Variants in ME3 observed in about 807,000 individuals in gnomAD.
ME3 encodes NADP-dependent malic enzyme, mitochondrial.
ME3 carries 48 observed loss-of-function variants against 68.9 expected under a neutral mutation model. The ratio of observed to expected loss-of-function variants is 0.70; its 90% confidence interval spans 0.55 to 0.89. ME3 has a LOEUF of 0.89. Ranked by LOEUF, ME3 falls within the 40% of genes least tolerant of loss-of-function variation. The pLI is 0.00. For missense variants in ME3, 675 were observed against 797.4 expected, an observed-to-expected ratio of 0.85 and a Z score of 1.85; for synonymous variants, 320 against 318.8, an observed-to-expected ratio of 1.00 and a Z score of -0.04.
At chr11:86,463,116 A>C (rs1326261955) in intron 8 of ME3, among the ~76,000 whole-genome samples, 1 of 152,110 alleles carries the variant, frequency 6.6e-6, no homozygotes, top group Non-Finnish European at 1.5e-5. Flanking sequence ...TTATCGCAGC[A>C]GTTTGGGGGC....
Position 86,642,987 on chromosome 11 carries a change from T to A in ME3, c.183+28775A>T, listed in dbSNP as rs1316160449. Among the ~76,000 whole-genome samples the A allele has an allele frequency of 2.1e-5, 3 of 143,286 alleles. No individual in the cohort carries two copies. The East Asian group carries it at 8.4e-4, about 40-fold the overall frequency. The allele number at this position is 143,286 out of a possible 152,430, so 94.0% of individuals were successfully genotyped here. On this transcript the variant is annotated intron_variant, in intron 2 of 14. Transcript: ENST00000543262. Reference sequence around the variant, plus strand: ...ATTTATGATGGATAAATATAAGGTTTCTATTAGTTTTTTTTGACATGTTGA... The same window carrying A: ...ATTTATGATGGATAAATATAAGGTTACTATTAGTTTTTTTTGACATGTTGA...
intron 2 of ME3, among the ~76,000 whole-genome samples, chr11:86,570,673 G>C (rs1377613852): frequency 2.0e-5 from 3 of 152,212 alleles, no homozygotes; most frequent in East Asian, 3.8e-4. Flanking sequence ...AGGATATGCT[G>C]CTCATTACCG....
intron 4 of ME3, among the ~76,000 whole-genome samples, chr11:86,527,499 C>G (rs1190025590): frequency 6.6e-6 from 1 of 152,118 alleles, no homozygotes; most frequent in Non-Finnish European, 1.5e-5. Context: ...CATTCAAATT[C>G]AGAGAATGCC....
intron 2 of ME3, among the ~76,000 whole-genome samples, chr11:86,595,997 CCAA>C (rs1340406519): frequency 6.6e-6 from 1 of 152,210 alleles, no homozygotes; most frequent in Non-Finnish European, 1.5e-5. Context: ...TTTAGAAATT[CCAA>C]CAAGTGTTCC....
At chr11:86,494,702 C>T (rs905656825) in intron 6 of ME3, among the ~76,000 whole-genome samples, 2 of 148,064 alleles carry the variant, frequency 1.4e-5, no homozygotes, top group South Asian at 2.1e-4. Flanking sequence ...AGATGTGACA[C>T]GCGACTCATT....
chr11:86,630,785 G>C (rs1295394127), intron 2 of ME3, among the ~76,000 whole-genome samples: 1 of 152,228 alleles, frequency 6.6e-6, no homozygotes, highest in African/African-American at 2.4e-5. Context: ...AGAAACCCGA[G>C]TCAGGACTTT....
intron 2 of ME3, among the ~76,000 whole-genome samples, chr11:86,629,869 T>C (rs1357401753): frequency 2.0e-5 from 3 of 152,150 alleles, no homozygotes; most frequent in Non-Finnish European, 2.9e-5. Flanking sequence ...GTGATTGAAA[T>C]TGGATGTAAA....
chr11:86,534,079 G>A (rs201190272), intron 4 of ME3, among the ~76,000 whole-genome samples: 399 of 12,864 alleles, frequency 0.031, 1 homozygote, highest in African/African-American at 0.097. Context: ...GTGTGTGTGT[G>A]TGTATATATA....
chr11:86,648,249 A>C (rs924095573), intron 2 of ME3, among the ~76,000 whole-genome samples: 14 of 152,236 alleles, frequency 9.2e-5, no homozygotes, highest in African/African-American at 3.4e-4. Flanking sequence ...TCTGGGACAC[A>C]GCTAAAGCAG....
intron 2 of ME3, among the ~76,000 whole-genome samples, chr11:86,573,198 A>G (rs1957904870): frequency 6.6e-6 from 1 of 152,046 alleles, no homozygotes; most frequent in African/African-American, 2.4e-5. Context: ...CAGATGAGTA[A>G]ATTGCAAAAA....
At chr11:86,612,992 T>C (rs1037826893) in intron 2 of ME3, among the ~76,000 whole-genome samples, 6 of 152,228 alleles carry the variant, frequency 3.9e-5, no homozygotes, top group African/African-American at 1.4e-4. Flanking sequence ...CCCATGCTTA[T>C]GTCCTGAATG....
At chr11:86,604,503 A>G (rs1222008699) in intron 2 of ME3, among the ~76,000 whole-genome samples, 3 of 152,340 alleles carry the variant, frequency 2.0e-5, no homozygotes, top group South Asian at 4.1e-4. Context: ...CCTACATGTT[A>G]TAACTGCTTG....
chr11:86,655,055 T>A (rs1031448116), intron 2 of ME3, among the ~76,000 whole-genome samples: 12 of 152,202 alleles, frequency 7.9e-5, no homozygotes, highest in African/African-American at 2.9e-4. Context: ...GTGAAAGACC[T>A]CTTCAAGGAG....
intron 2 of ME3, among the ~76,000 whole-genome samples, chr11:86,596,374 C>G (rs1308306083): frequency 1.3e-5 from 2 of 152,324 alleles, no homozygotes; most frequent in East Asian, 3.9e-4. Flanking sequence ...AATTTTAATA[C>G]TTTCATCATG....
intron 4 of ME3, among the ~76,000 whole-genome samples, chr11:86,549,468 A>G (rs1366273077): frequency 6.6e-6 from 1 of 152,140 alleles, no homozygotes; most frequent in African/African-American, 2.4e-5. Context: ...TTTTTGCCTT[A>G]ATTTTTCTTC....
intron 2 of ME3, among the ~76,000 whole-genome samples, chr11:86,634,187 G>A (rs913700809): frequency 2.0e-5 from 3 of 152,136 alleles, no homozygotes; most frequent in Admixed American, 1.3e-4. Flanking sequence ...GGGGTGTTCA[G>A]GGATGCCTCC....
At chr11:86,565,559 GTTC>G (rs1413055093) in intron 2 of ME3, among the ~76,000 whole-genome samples, 2 of 152,190 alleles carry the variant, frequency 1.3e-5, no homozygotes, top group Non-Finnish European at 2.9e-5. Flanking sequence ...AAGGAATGAA[GTTC>G]TGCTCTGTGC....
chr11:86,441,317 T>G, exon 15 of ME3: 1 of 1,609,798 alleles, frequency 6.2e-7, no homozygotes, highest in African/African-American at 1.3e-5. Context: ...TTGGGCCAAG[T>G]GTAGCTGTCC....
chr11:86,524,179 C>G (rs772711777), intron 4 of ME3, among the ~76,000 whole-genome samples: 1 of 152,222 alleles, frequency 6.6e-6, no homozygotes, highest in South Asian at 2.1e-4. Context: ...TAGAAGGCCT[C>G]TAGTGAATCT....
Sources: allele counts gnomAD v4.1 joint callset (sites outside exome capture counted in the v4.1 genomes callset), GRCh38; gene constraint gnomAD v4.1.1; transcripts MANE v1.5; gene names NCBI Gene and HGNC (gene_info 2026-07-23, HGNC 2026-07-21).